The following KDM5A variants were observed in gnomAD, a reference collection of about 807,000 sequenced individuals.
KDM5A encodes the protein lysine-specific demethylase 5A.
Under a neutral mutation model 193.5 loss-of-function variants are expected in KDM5A, and 42 were observed. That is an observed-to-expected ratio of 0.22 (90% CI 0.17 to 0.28). The LOEUF (loss-of-function observed/expected upper bound fraction) is 0.28, where lower values mean the gene tolerates loss of function less well. KDM5A is among the 10% of genes least tolerant of loss of function. The pLI, the probability that KDM5A is intolerant of heterozygous loss-of-function variation, is 1.00. For missense variants in KDM5A, 1,692 were observed against 2,055.1 expected (o/e 0.82, Z 3.42); for synonymous variants, 796 against 718.1 (o/e 1.11, Z -1.73).
chr12:351,898 G>T (rs1330465516), intron 9 of KDM5A, among the ~76,000 whole-genome samples: 1 of 152,070 alleles, frequency 6.6e-6, no homozygotes. Flanking sequence ...GAGGTCAGGA[G>T]TTCAAGACCA....
chr12:291,022 T>C (rs900619163), intron 27 of KDM5A, among the ~76,000 whole-genome samples: 6 of 152,182 alleles, frequency 3.9e-5, no homozygotes, highest in African/African-American at 1.4e-4. Flanking sequence ...AAGAGAAAGT[T>C]AACTCTTCAT....
intron 2 of KDM5A, among the ~76,000 whole-genome samples, chr12:385,181 G>GAAA (rs199833232): frequency 1.2e-4 from 11 of 93,762 alleles, no homozygotes; most frequent in Non-Finnish European, 1.9e-4. Context: ...AGACTCTCTG[G>GAAA]AAAAAAAAAA....
rs773829210 is a variant in KDM5A at position 297,082 on chromosome 12, G to C, written c.4193C>G (p.Ala1398Gly). 4.3e-6 allele frequency: 7 copies of C among 1,613,998 alleles called. No homozygotes were observed. Among genetic ancestry groups the C allele is most frequent in the Non-Finnish European group, 5.9e-6 (7 of 1,179,978 alleles). ...AGAAGCAGAAGAATAAGCATGCTCTGCACAAAATGAAGGTGCTGTCCACAT... is the reference window on the plus strand; with the variant it reads ...AGAAGCAGAAGAATAAGCATGCTCTCCACAAAATGAAGGTGCTGTCCACAT... ...THMWTAPSFC[A>G]EHAYSSASKS... The change falls in exon 25 of 28, where the codon GCA becomes GGA. Residue 1398 changes from alanine (A) to glycine (G), a missense_variant. Physicochemically the swap from Ala to Gly is moderately conservative, Grantham distance 60. Coordinates refer to ENST00000399788, the MANE Select transcript of KDM5A (RefSeq NM_001042603.3).
intron 18 of KDM5A, among the ~76,000 whole-genome samples, chr12:319,764 G>A (rs1319918281): frequency 6.6e-6 from 1 of 151,582 alleles, no homozygotes; most frequent in Non-Finnish European, 1.5e-5. Context: ...AAAAAGAAAA[G>A]AAAAGAAAAG....
At chr12:379,046 T>C (rs1011128668) in intron 3 of KDM5A, among the ~76,000 whole-genome samples, 1 of 150,604 alleles carries the variant, frequency 6.6e-6, no homozygotes, top group Non-Finnish European at 1.5e-5. Context: ...TCAAAAATAA[T>C]AGGGAGAAAG....
chr12:311,667 T>C (rs1482063216), intron 20 of KDM5A, among the ~76,000 whole-genome samples: 1 of 151,698 alleles, frequency 6.6e-6, no homozygotes, highest in Non-Finnish European at 1.5e-5. Flanking sequence ...ACAGAAATAA[T>C]TCAAAAAAAC....
intron 19 of KDM5A, among the ~76,000 whole-genome samples, chr12:314,042 G>GT (rs928803336): frequency 3.3e-5 from 5 of 152,140 alleles, no homozygotes. Context: ...CAGGAAGAAA[G>GT]ATGCAGAGTC....
At chr12:349,384 G>A (rs1323710570) in intron 10 of KDM5A, among the ~76,000 whole-genome samples, 5 of 145,476 alleles carry the variant, frequency 3.4e-5, no homozygotes, top group African/African-American at 1.0e-4. Context: ...AGGCTGGAGT[G>A]CAGTGGCATG....
At chr12:340,731 A>T (rs1943994795) in intron 10 of KDM5A, among the ~76,000 whole-genome samples, 1 of 151,606 alleles carries the variant, frequency 6.6e-6, no homozygotes, top group African/African-American at 2.4e-5. Flanking sequence ...CATTAGCACA[A>T]ATGCTTGACC....
intron 22 of KDM5A, among the ~76,000 whole-genome samples, chr12:309,169 C>T (rs913077643): frequency 6.6e-6 from 1 of 152,160 alleles, no homozygotes; most frequent in Non-Finnish European, 1.5e-5. Flanking sequence ...ACAGCAGGTC[C>T]TCAAATAACA....
chr12:348,418 C>A (rs1322208296), intron 10 of KDM5A, among the ~76,000 whole-genome samples: 1 of 152,132 alleles, frequency 6.6e-6, no homozygotes, highest in Non-Finnish European at 1.5e-5. Flanking sequence ...TGGGTATATA[C>A]CCAAAGGATT....
chr12:335,948 CAGG>C (rs1943926067), intron 10 of KDM5A, among the ~76,000 whole-genome samples: 5 of 145,908 alleles, frequency 3.4e-5, no homozygotes, highest in Non-Finnish European at 3.0e-5. Flanking sequence ...GAGGCTGAGG[CAGG>C]AGAATCACTT....
At chr12:332,196 C>T (rs960136423) in intron 12 of KDM5A, among the ~76,000 whole-genome samples, 5 of 152,116 alleles carry the variant, frequency 3.3e-5, no homozygotes, top group Admixed American at 1.3e-4. Context: ...TTACTCTCAA[C>T]GAGCTACGAG....
In KDM5A at chr12:282,489, T is replaced by G. The variant is rs1943167544; in HGVS notation, c.*2967A>C. ...ACACATCAACATGGCTTTGCTGCAG[T>G]ACCTATCAGGAAGCAAAATAAACAT... On this transcript the variant is annotated 3_prime_UTR_variant, in exon 28 of 28. Transcript: ENST00000399788. 4.3e-6 allele frequency: 1 copy of G among 233,114 alleles called. No homozygotes were observed. The highest frequency in any genetic ancestry group is 2.2e-5 in the African/African-American group (1 of 45,338). The allele number at this position is 233,114 out of a possible 1,614,324, so 14.4% of individuals were successfully genotyped here.
intron 3 of KDM5A, among the ~76,000 whole-genome samples, chr12:382,931 C>T (rs1944592755): frequency 6.7e-6 from 1 of 148,646 alleles, no homozygotes. Flanking sequence ...AACTCCATCT[C>T]AAAAAAAAGA....
At chr12:375,877 G>A (rs1000690819) in intron 3 of KDM5A, among the ~76,000 whole-genome samples, 2 of 152,200 alleles carry the variant, frequency 1.3e-5, no homozygotes, top group East Asian at 1.9e-4. Flanking sequence ...TATCAGCAGC[G>A]GAGGCTGTAG....
chr12:320,269 C>T (rs922571410), intron 18 of KDM5A, among the ~76,000 whole-genome samples: 1 of 152,030 alleles, frequency 6.6e-6, no homozygotes, highest in Non-Finnish European at 1.5e-5. Context: ...GGCCGAGGCG[C>T]GTGGACCACT....
At chr12:388,887 A>G in intron 1 of KDM5A, 40 bp downstream of exon 1, 1 of 1,609,890 alleles carries the variant, frequency 6.2e-7, no homozygotes, top group African/African-American at 1.3e-5. Context: ...GGACTCCCCC[A>G]TTCTTCCTTC....
chr12:345,029 G>A lies in KDM5A; in HGVS notation c.1308+5592C>T, dbSNP rs11836674. The stretch of plus-strand genomic sequence containing the variant: ...GCCGTATTCAGGAGACCCATCTCAC[G>A]TGCAAAGACGCACACAGGCTCAAAA... On this transcript the variant is annotated intron_variant, in intron 10 of 27. Transcript: ENST00000399788. Among the ~76,000 whole-genome samples the A allele has an allele frequency of 9.1e-3, 1,383 of 152,136 alleles. 29 individuals are homozygous for A. Among genetic ancestry groups the A allele is most frequent in the African/African-American group, 0.031 (1,289 of 41,500 alleles).
Sources: gnomAD v4.1 joint callset for allele counts (sites outside exome capture counted in the v4.1 genomes callset) on GRCh38, gnomAD v4.1.1 for gene constraint, MANE v1.5 for transcripts, NCBI Gene and HGNC (gene_info 2026-07-23, HGNC 2026-07-21) for gene names.